Variants in TRAPPC8 observed in about 807,000 individuals in gnomAD.
TRAPPC8 encodes general sporulation gene 1 homolog.
A neutral mutation model predicts 174.3 loss-of-function variants in TRAPPC8; 54 were observed. That is an observed-to-expected ratio of 0.31 (90% CI 0.25 to 0.39). The LOEUF is 0.39. TRAPPC8 is among the 10% of genes least tolerant of loss of function. The pLI is 1.00. For missense variants in TRAPPC8, 1,531 were observed against 1,699.1 expected (o/e 0.90, Z 1.74); for synonymous variants, 630 against 579.9 (o/e 1.09, Z -1.24).
At chr18:31,909,466 C>T in intron 6 of TRAPPC8, 3 of 662,266 alleles carry the variant, frequency 4.5e-6, no homozygotes, top group South Asian at 1.3e-4. Flanking sequence ...AATCTATACA[C>T]TACTCATATA....
At position 31,873,465 on chromosome 18, in the gene TRAPPC8, C is replaced by T. The variant is rs1215242277; in HGVS notation, c.2027G>A (p.Arg676Gln). ...PLPYINSSATRVFFGHDRRPA... is the reference protein window; with the variant it reads ...PLPYINSSATQVFFGHDRRPA... ...TCGTCTGTCATGGCCAAAAAAAACC[C>T]GTGTTGCTGAACTGTTAATATACGG... The change falls in exon 14 of 29, where the codon CGG (arginine) becomes CAG (glutamine). Residue 676 changes from arginine to glutamine, a missense_variant. Arg to Gln is a conservative substitution (Grantham distance 43). Transcript: ENST00000283351. 2.0e-5 allele frequency: 32 copies of T among 1,613,064 alleles called. No homozygotes were observed. The highest frequency in any genetic ancestry group is 2.2e-5 in the Non-Finnish European group (26 of 1,179,550).
At chr18:31,942,471 C>G (rs1418946012) in intron 1 of TRAPPC8, 137 bp downstream of exon 1, 1 of 1,176,156 alleles carries the variant, frequency 8.5e-7, no homozygotes. Flanking sequence ...CGGAGCACCG[C>G]GGGGCCACAG....
In TRAPPC8 at chr18:31,839,393, G is replaced by C. The variant is rs781717239; in HGVS notation, c.3902C>G (p.Pro1301Arg). 1 of 1,611,646 alleles carries C rather than the reference G, an allele frequency of 6.2e-7. No individual in the cohort carries two copies. The highest frequency in any genetic ancestry group is 8.5e-7 in the Non-Finnish European group (1 of 1,179,002). The change falls in exon 27 of 29, where the codon CCA (proline) becomes CGA (arginine). Residue 1301 changes from proline (P) to arginine (R), a missense_variant. Physicochemically the swap from Pro to Arg is moderately radical, Grantham distance 103. Transcript: ENST00000283351. ...GAGACTAGAAAGCTGCTCTACTGAT[G>C]GCCTTGAGGAAACTGTAATGTTTTC... ...RPENITVSSR[P>R]SVEQLSSLIK...
intron 15 of TRAPPC8, among the ~76,000 whole-genome samples, 187 bp from the exon 16 acceptor site, chr18:31,870,689 C>T (rs1380975507): frequency 6.6e-6 from 1 of 152,168 alleles, no homozygotes; most frequent in East Asian, 1.9e-4. Flanking sequence ...GAAAAGATTT[C>T]CCCAATTTCT....
chr18:31,930,484 G>A (rs756425000), intron 2 of TRAPPC8, among the ~76,000 whole-genome samples: 3 of 152,212 alleles, frequency 2.0e-5, no homozygotes, highest in East Asian at 1.9e-4. Context: ...AACTATCCTG[G>A]CCTAAAAAGA....
intron 12 of TRAPPC8, among the ~76,000 whole-genome samples, chr18:31,885,272 A>G (rs1337653275): frequency 6.6e-6 from 1 of 152,164 alleles, no homozygotes; most frequent in East Asian, 1.9e-4. Flanking sequence ...ATTCCTACAA[A>G]CATACCGAAT....
chr18:31,839,408 G>T lies in TRAPPC8; in HGVS notation c.3887C>A (p.Thr1296Lys). 2.5e-6 allele frequency: 4 copies of T among 1,609,028 alleles called. No homozygotes were observed. Among genetic ancestry groups the T allele is most frequent in the Non-Finnish European group, 3.4e-6 (4 of 1,177,942 alleles). The change falls in exon 27 of 29, where the codon ACA (threonine) becomes AAA (lysine). Residue 1296 changes from threonine (T) to lysine (K), a missense_variant. Transcript: ENST00000283351. ...CTCTACTGATGGCCTTGAGGAAACT[G>T]TAATGTTTTCTGGCCTGAAAAATTT... ...LLKFFRPENI[T>K]VSSRPSVEQL...
At chr18:31,899,124 T>C (rs2036302546) in intron 10 of TRAPPC8, among the ~76,000 whole-genome samples, 1 of 152,174 alleles carries the variant, frequency 6.6e-6, no homozygotes, top group Non-Finnish European at 1.5e-5. Flanking sequence ...AAAGACTAAC[T>C]CCTATATACT....
chr18:31,931,523 A>G lies in TRAPPC8; in HGVS notation c.158T>C (p.Val53Ala). The change falls in exon 2 of 29, where the codon GTT (valine) becomes GCT (alanine). Residue 53 changes from valine (V) to alanine (A), a missense_variant and splice_region_variant. Coordinates refer to ENST00000283351, the MANE Select transcript of TRAPPC8 (RefSeq NM_014939.5). ...LKPFSRLTSE[V>A]HMRDPNNQLH... ...TTGATTATTAGGATCTCTCATGTGA[A>G]CTTTAAAGAAAAAAAGAAAAAAACT... 6.5e-6 allele frequency: 10 copies of G among 1,540,450 alleles called. No individual in the cohort carries two copies. Among genetic ancestry groups the G allele is most frequent in the Non-Finnish European group, 8.7e-6 (10 of 1,144,986 alleles).
At chr18:31,839,669 C>T (rs2032980649) in intron 26 of TRAPPC8, among the ~76,000 whole-genome samples, 1 of 152,166 alleles carries the variant, frequency 6.6e-6, no homozygotes, top group Non-Finnish European at 1.5e-5. Flanking sequence ...TCATTCCTCA[C>T]TTATGTGTTG....
intron 12 of TRAPPC8, among the ~76,000 whole-genome samples, chr18:31,889,234 G>A (rs1766116807): frequency 6.6e-6 from 1 of 152,126 alleles, no homozygotes; most frequent in South Asian, 2.1e-4. Flanking sequence ...TGATTACGAA[G>A]CCAGATAGCA....
At chr18:31,933,225 C>T (rs914288026) in intron 1 of TRAPPC8, among the ~76,000 whole-genome samples, 2 of 148,784 alleles carry the variant, frequency 1.3e-5, no homozygotes, top group East Asian at 2.0e-4. Flanking sequence ...GGTGTGAACC[C>T]GGCGGGCGGA....
At position 31,908,566 on chromosome 18, in the gene TRAPPC8, C is replaced by T. The variant is rs535907032; in HGVS notation, c.1123-148G>A. Reference sequence around the variant, plus strand: ...AAACTGTCCAATATGCTGGCAAAATCCTATTGAAAATGAATAAGCCTCTTC... The same window carrying T: ...AAACTGTCCAATATGCTGGCAAAATTCTATTGAAAATGAATAAGCCTCTTC... On this transcript the variant is annotated intron_variant, in intron 7 of 28. Transcript: ENST00000283351. The T allele has an allele frequency of 8.0e-6, 7 of 874,038 alleles. No homozygotes were observed. The East Asian group carries it at 1.1e-4, about 14-fold the overall frequency. The allele number at this position is 874,038 out of a possible 1,614,324, so 54.1% of individuals were successfully genotyped here.
At chr18:31,843,055 TAGTA>T (rs965475909) in intron 26 of TRAPPC8, among the ~76,000 whole-genome samples, 103 of 152,250 alleles carry the variant, frequency 6.8e-4, no homozygotes, top group African/African-American at 2.4e-3. Context: ...ATGTACAAAA[TAGTA>T]AGATAAAAAG....
intron 27 of TRAPPC8, among the ~76,000 whole-genome samples, chr18:31,834,483 G>A (rs1485140185): frequency 6.6e-6 from 1 of 152,078 alleles, no homozygotes; most frequent in African/African-American, 2.4e-5. Flanking sequence ...CACAAACAGG[G>A]CTGAGAAATC....
chr18:31,911,419 C>A (rs1182763697), intron 5 of TRAPPC8, among the ~76,000 whole-genome samples: 1 of 151,292 alleles, frequency 6.6e-6, no homozygotes, highest in African/African-American at 2.4e-5. Flanking sequence ...CCACTTCACT[C>A]CAGCCTGGGC....
intron 11 of TRAPPC8, among the ~76,000 whole-genome samples, chr18:31,891,452 T>C (rs1308534498): frequency 6.6e-6 from 1 of 152,194 alleles, no homozygotes; most frequent in Non-Finnish European, 1.5e-5. Context: ...AAGATTTTCT[T>C]TTCACCTATT....
At chr18:31,832,206 A>G in intron 27 of TRAPPC8, 33 bp from the exon 28 acceptor site, 1 of 1,374,578 alleles carries the variant, frequency 7.3e-7, no homozygotes, top group Non-Finnish European at 9.6e-7. Flanking sequence ...AAAGTTATAT[A>G]TTTTTTTCTT....
At chr18:31,900,850 G>A (rs2036389067) in intron 10 of TRAPPC8, 75 bp downstream of exon 10, 4 of 1,167,476 alleles carry the variant, frequency 3.4e-6, no homozygotes, top group Non-Finnish European at 3.6e-6. Context: ...GGGAGTTTAG[G>A]AATGGGGAAA....
Sources: gnomAD v4.1 joint callset for allele counts (sites outside exome capture counted in the v4.1 genomes callset) on GRCh38, gnomAD v4.1.1 for gene constraint, MANE v1.5 for transcripts, NCBI Gene and HGNC (gene_info 2026-07-23, HGNC 2026-07-21) for gene names.